Variants in FNDC7 observed in about 807,000 individuals in gnomAD.
FNDC7 encodes the protein fibronectin type III domain containing 7.
A neutral mutation model predicts 74.2 loss-of-function variants in FNDC7; 66 were observed. The observed-to-expected ratio is 0.89, with a 90% CI of 0.73 to 1.09. The LOEUF is 1.09. Ranked by LOEUF, FNDC7 falls within the 50% of genes least tolerant of loss-of-function variation. FNDC7 has a pLI of 0.00. For missense variants in FNDC7, 829 were observed against 893.4 expected, an observed-to-expected ratio of 0.93 and a Z score of 0.92; for synonymous variants, 307 against 330.2, an observed-to-expected ratio of 0.93 and a Z score of 0.76.
chr1:108,714,278 C>T (rs753841741), intron 2 of FNDC7, among the ~76,000 whole-genome samples: 6 of 152,140 alleles, frequency 3.9e-5, no homozygotes, highest in African/African-American at 1.4e-4. Context: ...GTCTACACCA[C>T]AGAAAAGGAA....
intron 10 of FNDC7, among the ~76,000 whole-genome samples, chr1:108,737,273 G>A (rs1661536844): frequency 6.6e-6 from 1 of 152,084 alleles, no homozygotes; most frequent in African/African-American, 2.4e-5. Context: ...GCCCAGCTGA[G>A]CTTGGTATGC....
intron 5 of FNDC7, among the ~76,000 whole-genome samples, chr1:108,723,513 T>C (rs957276564): frequency 1.2e-4 from 19 of 152,340 alleles, no homozygotes; most frequent in South Asian, 6.2e-4. Context: ...AAAGCTATTC[T>C]TTCAGGCCCG....
intron 9 of FNDC7, 38 bp downstream of exon 9, chr1:108,730,966 T>C (rs1157804740): frequency 6.4e-7 from 1 of 1,569,154 alleles, no homozygotes; most frequent in African/African-American, 1.4e-5. Context: ...AGTAAGGACT[T>C]GACTATTATC....
At chr1:108,715,675 A>G (rs866630432) in intron 2 of FNDC7, among the ~76,000 whole-genome samples, 151 of 151,594 alleles carry the variant, frequency 1.0e-3, no homozygotes, top group African/African-American at 3.5e-3. Flanking sequence ...GCGCGCGCAC[A>G]CACACACACA....
rs78915215 is a variant in FNDC7, at chr1:108,715,129, C to T, written c.82+1600C>T. On this transcript the variant is annotated intron_variant, in intron 2 of 12. Coordinates refer to ENST00000370017, the MANE Select transcript of FNDC7 (RefSeq NM_001144937.3). ...ACAGATAGAATGTGTTTTAGCTACA[C>T]TGTATAGAAGGTTTCATTTTGGTTG... 2.5e-3 allele frequency among the ~76,000 whole-genome samples: 388 copies of T among 152,238 alleles called. 2 individuals carry two copies. Among genetic ancestry groups the T allele is most frequent in the African/African-American group, 8.9e-3 (370 of 41,542 alleles).
chr1:108,732,232 G>A (rs1661400124), intron 9 of FNDC7, among the ~76,000 whole-genome samples: 3 of 151,062 alleles, frequency 2.0e-5, no homozygotes, highest in Admixed American at 6.6e-5. Flanking sequence ...GGTGGCGGGC[G>A]CCTGTAGTCC....
chr1:108,720,387 G>A (rs371893899), intron 4 of FNDC7, among the ~76,000 whole-genome samples: 2 of 152,342 alleles, frequency 1.3e-5, no homozygotes, highest in African/African-American at 2.4e-5. Context: ...GAAGGCTGCC[G>A]ACACAGCGAG....
At chr1:108,714,730 C>T (rs919666085) in intron 2 of FNDC7, among the ~76,000 whole-genome samples, 11 of 150,448 alleles carry the variant, frequency 7.3e-5, no homozygotes, top group Admixed American at 2.7e-4. Flanking sequence ...TCAGCCTCTC[C>T]GAGCAGCTGG....
chr1:108,737,289 C>G (rs537048857), intron 10 of FNDC7, among the ~76,000 whole-genome samples: 3 of 152,192 alleles, frequency 2.0e-5, no homozygotes, highest in Non-Finnish European at 4.4e-5. Context: ...TATGCTTATT[C>G]TTACTGCTTT....
intron 5 of FNDC7, 28 bp downstream of exon 5, chr1:108,722,620 C>T (rs368119466): frequency 6.5e-5 from 104 of 1,591,246 alleles, no homozygotes; most frequent in African/African-American, 1.1e-4. Context: ...AGACTGCTGT[C>T]GGGCTTGCAG....
At chr1:108,718,341 G>A (rs1661022682) in intron 3 of FNDC7, among the ~76,000 whole-genome samples, 1 of 151,956 alleles carries the variant, frequency 6.6e-6, no homozygotes, top group African/African-American at 2.4e-5. Context: ...CACAGAGAAG[G>A]GATTTTGCTG....
intron 8 of FNDC7, among the ~76,000 whole-genome samples, chr1:108,729,429 G>A (rs2101085315): frequency 6.6e-6 from 1 of 152,248 alleles, no homozygotes; most frequent in South Asian, 2.1e-4. Flanking sequence ...GGCACCTATA[G>A]TCCTGGCTAC....
intron 9 of FNDC7, among the ~76,000 whole-genome samples, chr1:108,732,569 G>T (rs969449053): frequency 6.6e-6 from 1 of 152,108 alleles, no homozygotes; most frequent in Non-Finnish European, 1.5e-5. Context: ...CAAGGATTCT[G>T]TGCCTTTGAC....
chr1:108,733,416 G>A lies in FNDC7; in HGVS notation c.2024G>A (p.Gly675Asp). The change falls in exon 10 of 13, where the codon GGC (glycine) becomes GAC (aspartate). Residue 675 changes from glycine to aspartate, a missense_variant. Gly to Asp is a moderately conservative substitution (Grantham distance 94). Coordinates refer to ENST00000370017, the MANE Select transcript of FNDC7 (RefSeq NM_001144937.3). ...ATTTTCACGTGCACCCCGAGTGCTG[G>A]CCTCAGTTTCTGTGATGTCACTGAG... Reference protein sequence around the residue: ...KGIFTCTPSAGLSFCDVTEIP... With the variant: ...KGIFTCTPSADLSFCDVTEIP... 6.2e-7 allele frequency: 1 copy of A among 1,614,068 alleles called. No individual in the cohort carries two copies. Among genetic ancestry groups the A allele is most frequent in the Admixed American group, 1.7e-5 (1 of 60,014 alleles).
intron 8 of FNDC7, among the ~76,000 whole-genome samples, chr1:108,730,290 T>C (rs1050335591): frequency 1.3e-5 from 2 of 149,910 alleles, no homozygotes; most frequent in African/African-American, 2.5e-5. Context: ...GGCAGAAGAA[T>C]CGCTTGAACC....
In FNDC7 at chr1:108,717,980, A is replaced by T; in HGVS notation, c.286A>T (p.Ile96Phe). The T allele has an allele frequency of 6.4e-7, 1 of 1,551,744 alleles. No homozygotes were observed. Among genetic ancestry groups the T allele is most frequent in the Non-Finnish European group, 8.7e-7 (1 of 1,146,994 alleles). The change falls in exon 3 of 13, where the codon ATC becomes TTC. Residue 96 changes from isoleucine to phenylalanine, a missense_variant. Transcript: ENST00000370017. The part of the protein sequence containing the change: ...ATWYEITIRS[I>F]SAAGRSQASP... The stretch of plus-strand genomic sequence containing the variant: ...CTGGTATGAAATCACCATCAGATCC[A>T]TCAGCGCTGCTGGGAGAAGCCAGGC...
At position 108,741,846 on chromosome 1, in the gene FNDC7, GTAACGTAA is replaced by G. The variant is rs755785215; in HGVS notation, c.*37+6_*37+13del. 6.3e-7 allele frequency: 1 copy of G among 1,599,228 alleles called. No individual in the cohort carries two copies. Among genetic ancestry groups the G allele is most frequent in the South Asian group, 1.1e-5 (1 of 89,324 alleles). ...TAAAAACAAAAACTTGACCAAGTGAGTAACGTAAATTGATTTTGTGTGATTTTATGGCA... is the reference window on the plus strand; with the variant it reads ...TAAAAACAAAAACTTGACCAAGTGAGATTGATTTTGTGTGATTTTATGGCA... On this transcript the variant is annotated splice_donor_region_variant and intron_variant, in intron 12 of 12. Transcript: ENST00000370017.
At chr1:108,713,363 G>A (rs1660910607) in intron 1 of FNDC7, 148 bp from the exon 2 acceptor site, 2 of 701,260 alleles carry the variant, frequency 2.9e-6, no homozygotes, top group Non-Finnish European at 4.9e-6. Context: ...AATGATTTGT[G>A]TGGAGAAATA....
chr1:108,727,689 C>A, intron 6 of FNDC7, 119 bp from the exon 7 acceptor site: 1 of 1,224,734 alleles, frequency 8.2e-7, no homozygotes, highest in Non-Finnish European at 1.2e-6. Flanking sequence ...TAGGGAGTCA[C>A]TGTAGTCATC....
Sources: allele counts gnomAD v4.1 joint callset (sites outside exome capture counted in the v4.1 genomes callset), GRCh38; gene constraint gnomAD v4.1.1; transcripts MANE v1.5; gene names NCBI Gene and HGNC (gene_info 2026-07-23, HGNC 2026-07-21).